HECW2: variants seen among roughly 807,000 people sequenced by gnomAD.
HECW2 encodes the protein HECT, C2 and WW domain containing E3 ubiquitin protein ligase 2, also known as E3 ubiquitin-protein ligase HECW2.
A neutral mutation model predicts 175.2 loss-of-function variants in HECW2; 61 were observed. The observed-to-expected ratio is 0.35, with a 90% CI of 0.28 to 0.43. The LOEUF is 0.43. Among genes scored for constraint, HECW2 ranks in the 20% least tolerant of loss-of-function variants. The pLI is 1.00. For synonymous variants in HECW2, 671 were observed against 731.0 expected (o/e 0.92, Z 1.32); for missense variants, 1,524 against 2,000.5 (o/e 0.76, Z 4.54).
At position 196,271,202 on chromosome 2, in the gene HECW2, T is replaced by C. The variant is rs1199615813; in HGVS notation, c.3326A>G (p.His1109Arg). 1.3e-6 allele frequency: 2 copies of C among 1,589,890 alleles called. No homozygotes were observed. The highest frequency in any genetic ancestry group is 1.7e-5 in the Admixed American group (1 of 59,942). Reference sequence around the variant, plus strand: ...CCAATATTATTGTTACCTGAGTGAGTGATTCCTGGTAAGATCAGGTTGACG... The same window carrying C: ...CCAATATTATTGTTACCTGAGTGAGCGATTCCTGGTAAGATCAGGTTGACG... ...QERQPDLTRNHSLREKIQFIR... is the reference protein window; with the variant it reads ...QERQPDLTRNRSLREKIQFIR... Residue 1109 changes from histidine to arginine, a missense_variant, in exon 17 of 29, where the codon CAC becomes CGC. Transcript: ENST00000644978.
chr2:196,283,705 C>T (rs1296064517), intron 14 of HECW2, among the ~76,000 whole-genome samples: 2 of 152,192 alleles, frequency 1.3e-5, no homozygotes, highest in South Asian at 2.1e-4. Context: ...TATGTTAAAA[C>T]GTATATGGGT....
intron 18 of HECW2, 48 bp from the exon 19 acceptor site, chr2:196,254,077 G>A: frequency 6.2e-7 from 1 of 1,606,414 alleles, no homozygotes; most frequent in Non-Finnish European, 8.5e-7. Context: ...AAAGTAGTGG[G>A]GAAAAGCCTA....
intron 2 of HECW2, among the ~76,000 whole-genome samples, chr2:196,357,348 T>A (rs1422742253): frequency 6.6e-6 from 1 of 152,000 alleles, no homozygotes; most frequent in Non-Finnish European, 1.5e-5. Flanking sequence ...GCGGCACTCA[T>A]CCTCCTCTAA....
In HECW2 at chr2:196,307,871, T is replaced by C. The variant is rs1691327489; in HGVS notation, c.2585+64A>G. ...AAAGAGACAACCATGTCTTCTACTT[T>C]GTGCCAAGTAAAAATTAGCCCAACC... On this transcript the variant is annotated intron_variant, in intron 11 of 28. Coordinates refer to ENST00000644978, the MANE Select transcript of HECW2 (RefSeq NM_001348768.2). 3 of 1,405,174 alleles carry C rather than the reference T, an allele frequency of 2.1e-6. No homozygotes were observed. In the South Asian group the frequency reaches 5.1e-5, roughly 24 times the overall value. The allele number at this position is 1,405,174 out of a possible 1,614,324, so 87.0% of individuals were successfully genotyped here.
chr2:196,376,718 G>C (rs542830061), intron 2 of HECW2, among the ~76,000 whole-genome samples: 35 of 150,048 alleles, frequency 2.3e-4, no homozygotes, highest in African/African-American at 8.3e-4. Context: ...GGATCAACCT[G>C]AGGTCAGGAG....
At chr2:196,230,205 T>G (rs889824129) in intron 21 of HECW2, among the ~76,000 whole-genome samples, 1 of 152,184 alleles carries the variant, frequency 6.6e-6, no homozygotes, top group South Asian at 2.1e-4. Flanking sequence ...GCCTCCTCCA[T>G]GCAGGGATGC....
chr2:196,559,170 T>C (rs1184767769), intron 1 of HECW2, among the ~76,000 whole-genome samples: 2 of 152,210 alleles, frequency 1.3e-5, no homozygotes, highest in African/African-American at 4.8e-5. Flanking sequence ...CACTACACCA[T>C]ACTGATGCCC....
intron 1 of HECW2, among the ~76,000 whole-genome samples, chr2:196,439,399 G>C (rs185560334): frequency 2.0e-5 from 3 of 152,128 alleles, no homozygotes; most frequent in Non-Finnish European, 4.4e-5. Flanking sequence ...ACTTAGAAAA[G>C]AAGAAGAAAA....
chr2:196,312,005 G>A (rs942340045), intron 10 of HECW2, among the ~76,000 whole-genome samples: 5 of 152,166 alleles, frequency 3.3e-5, no homozygotes, highest in Non-Finnish European at 7.4e-5. Flanking sequence ...ACAGAGGCAG[G>A]TAGAACGTAA....
chr2:196,225,695 TTGAC>T (rs58234399), intron 23 of HECW2, 73 bp downstream of exon 23: 23,287 of 889,182 alleles, frequency 0.026, 797 homozygotes, highest in East Asian at 0.17. Context: ...AACAATGACT[TTGAC>T]AGAAGAATTT....
intron 2 of HECW2, among the ~76,000 whole-genome samples, chr2:196,422,012 G>A (rs552709540): frequency 1.0e-3 from 153 of 152,236 alleles, no homozygotes; most frequent in African/African-American, 3.2e-3. Context: ...GAGATACCAA[G>A]GTGATCCTGT....
In HECW2 at chr2:196,275,747, T is replaced by C. The variant is rs553621681; in HGVS notation, c.3136-1624A>G. ...TGCCTGGCGACAAAGCAAGACTCTG[T>C]CTTAAAAAAAAAAAAAGAATGCAGG... On this transcript the variant is annotated intron_variant, in intron 15 of 28. Transcript: ENST00000644978. Among the ~76,000 whole-genome samples, 13 of 146,820 alleles carry C rather than the reference T, an allele frequency of 8.9e-5. No individual in the cohort carries two copies. The South Asian group carries it at 2.8e-3, about 32-fold the overall frequency.
chr2:196,389,609 T>C (rs1694448804), intron 2 of HECW2, among the ~76,000 whole-genome samples: 2 of 152,182 alleles, frequency 1.3e-5, no homozygotes, highest in South Asian at 4.1e-4. Context: ...CTCCTGCCTC[T>C]GCAAGAGTCT....
chr2:196,325,460 C>A (rs568333489), intron 5 of HECW2, among the ~76,000 whole-genome samples: 1 of 152,304 alleles, frequency 6.6e-6, no homozygotes, highest in South Asian at 2.1e-4. Flanking sequence ...ACCTTTAGCA[C>A]CACCTCACAT....
intron 1 of HECW2, among the ~76,000 whole-genome samples, chr2:196,527,178 T>C (rs1282059586): frequency 6.6e-6 from 1 of 152,214 alleles, no homozygotes; most frequent in Admixed American, 6.5e-5. Context: ...TATAATCTCG[T>C]GGTGCGCCGT....
At chr2:196,305,094 T>G (rs964929411) in intron 13 of HECW2, among the ~76,000 whole-genome samples, 1 of 152,182 alleles carries the variant, frequency 6.6e-6, no homozygotes, top group Non-Finnish European at 1.5e-5. Context: ...GCAGTGTATC[T>G]TCTATAGCCA....
chr2:196,319,499 T>C lies in HECW2; in HGVS notation c.1391A>G (p.Asp464Gly), dbSNP rs1320337431. 6.2e-7 allele frequency: 1 copy of C among 1,614,164 alleles called. No homozygotes were observed. ...DTRLNAMLHI[D>G]SDEEDHEFQQ... ...GAACTCGTGATCTTCTTCATCTGAATCAATATGAAGCATGGCATTGAGTCT... is the reference window on the plus strand; with the variant it reads ...GAACTCGTGATCTTCTTCATCTGAACCAATATGAAGCATGGCATTGAGTCT... The change falls in exon 9 of 29, where the codon GAT (aspartate) becomes GGT (glycine). Residue 464 changes from aspartate to glycine, a missense_variant. Transcript: ENST00000644978.
chr2:196,368,366 T>C (rs1322235755), intron 2 of HECW2, among the ~76,000 whole-genome samples: 1 of 152,230 alleles, frequency 6.6e-6, no homozygotes, highest in Non-Finnish European at 1.5e-5. Flanking sequence ...TGGAAGTCCA[T>C]TGTACGTTGT....
At chr2:196,493,353 C>T (rs1418863358) in intron 1 of HECW2, 1 of 152,102 alleles carries the variant, frequency 6.6e-6, no homozygotes, top group African/African-American at 2.4e-5. Context: ...GGGCAACAGG[C>T]TCAGAGACCC....
Sources: gnomAD v4.1 joint callset for allele counts (sites outside exome capture counted in the v4.1 genomes callset) on GRCh38, gnomAD v4.1.1 for gene constraint, MANE v1.5 for transcripts, NCBI Gene and HGNC (gene_info 2026-07-23, HGNC 2026-07-21) for gene names.